The following VTI1A variants were observed in gnomAD, a reference collection of about 807,000 sequenced individuals.
VTI1A encodes the protein vesicle transport through interaction with t-SNAREs homolog 1A.
VTI1A carries 22 observed loss-of-function variants against 34.9 expected under a neutral mutation model. That is an observed-to-expected ratio of 0.63 (90% CI 0.45 to 0.90). The LOEUF is 0.90. Ranked by LOEUF, VTI1A falls within the 40% of genes least tolerant of loss-of-function variation. The pLI, the probability that VTI1A is intolerant of heterozygous loss-of-function variation, is 0.00. For missense variants in VTI1A, 268 were observed against 275.6 expected (o/e 0.97, Z 0.20); for synonymous variants, 87 against 97.3 (o/e 0.89, Z 0.62).
chr10:112,811,955 G>T (rs1240250710), intron 7 of VTI1A, among the ~76,000 whole-genome samples: 1 of 152,216 alleles, frequency 6.6e-6, no homozygotes, highest in African/African-American at 2.4e-5. Context: ...AGTTCCACAT[G>T]GGGATCAGTA....
intron 3 of VTI1A, among the ~76,000 whole-genome samples, chr10:112,519,065 T>C (rs750863723): frequency 1.1e-4 from 16 of 152,100 alleles, no homozygotes; most frequent in Non-Finnish European, 5.9e-5. Flanking sequence ...CTCTGAATTA[T>C]GAACCCTATA....
intron 5 of VTI1A, among the ~76,000 whole-genome samples, chr10:112,613,757 A>G (rs765976531): frequency 6.6e-6 from 1 of 152,240 alleles, no homozygotes; most frequent in East Asian, 1.9e-4. Flanking sequence ...ATCTCCTGAC[A>G]GGCTCAGTGC....
chr10:112,716,830 A>T (rs1849627699), intron 7 of VTI1A, among the ~76,000 whole-genome samples: 1 of 152,198 alleles, frequency 6.6e-6, no homozygotes, highest in Admixed American at 6.5e-5. Context: ...TCCCAAGCAT[A>T]TTGGATAAGG....
At chr10:112,472,461 G>A (rs750257782) in intron 3 of VTI1A, among the ~76,000 whole-genome samples, 4 of 151,724 alleles carry the variant, frequency 2.6e-5, no homozygotes, top group Non-Finnish European at 4.4e-5. Flanking sequence ...GATACTACCT[G>A]TACTCTCTCT....
chr10:112,629,025 G>A (rs1449892316), intron 5 of VTI1A, among the ~76,000 whole-genome samples: 1 of 152,052 alleles, frequency 6.6e-6, no homozygotes, highest in African/African-American at 2.4e-5. Context: ...TCTATTACTG[G>A]TTACTCACTT....
chr10:112,641,908 G>T (rs1408133998), intron 5 of VTI1A, among the ~76,000 whole-genome samples: 6 of 152,142 alleles, frequency 3.9e-5, no homozygotes, highest in African/African-American at 1.4e-4. Context: ...GGAACTGTTG[G>T]GCTTTGTGAG....
At chr10:112,846,617 T>A in the VTI1A span, among the ~76,000 whole-genome samples, 3 of 151,910 alleles carry the variant, frequency 2.0e-5, no homozygotes, top group Non-Finnish European at 2.9e-5. Context: ...GTACAAAAAA[T>A]TAGCTGGACA....
intron 7 of VTI1A, among the ~76,000 whole-genome samples, chr10:112,709,682 C>CT (rs57081938): frequency 0.016 from 1,110 of 70,272 alleles, 135 homozygotes; most frequent in African/African-American, 0.044. Context: ...CTCTATGTGG[C>CT]TTTTTTTTTT....
chr10:112,618,504 T>TAGAGAGAGAG (rs1222432434), intron 5 of VTI1A, among the ~76,000 whole-genome samples: 1 of 38,856 alleles, frequency 2.6e-5, no homozygotes, highest in Non-Finnish European at 4.6e-5. Flanking sequence ...TATATATATA[T>TAGAGAGAGAG]ATATATATAT....
intron 7 of VTI1A, among the ~76,000 whole-genome samples, chr10:112,814,784 C>T (rs79187083): frequency 0.014 from 2,068 of 152,320 alleles, 55 homozygotes; most frequent in African/African-American, 0.047. Flanking sequence ...ACATTTGACA[C>T]TTGTTTCTTA....
At chr10:112,641,131 G>C (rs549787904) in intron 5 of VTI1A, among the ~76,000 whole-genome samples, 2 of 152,026 alleles carry the variant, frequency 1.3e-5, no homozygotes, top group South Asian at 4.2e-4. Flanking sequence ...GATAGCAAAA[G>C]TCACGGATTT....
chr10:112,532,749 G>A (rs1033897257), intron 4 of VTI1A, among the ~76,000 whole-genome samples: 2 of 152,108 alleles, frequency 1.3e-5, no homozygotes, highest in African/African-American at 4.8e-5. Flanking sequence ...AATGAAGTAA[G>A]AGCTCATTGC....
At chr10:112,496,655 A>C (rs1452916602) in intron 3 of VTI1A, among the ~76,000 whole-genome samples, 1 of 152,182 alleles carries the variant, frequency 6.6e-6, no homozygotes, top group African/African-American at 2.4e-5. Flanking sequence ...CATTTCACTT[A>C]AGCAGATATT....
At chr10:112,591,709 T>C (rs915839668) in intron 5 of VTI1A, among the ~76,000 whole-genome samples, 2 of 152,222 alleles carry the variant, frequency 1.3e-5, no homozygotes, top group African/African-American at 4.8e-5. Flanking sequence ...AACTGTATTA[T>C]ACTGATCATC....
chr10:112,632,454 G>A (rs775166172), intron 5 of VTI1A, among the ~76,000 whole-genome samples: 1 of 152,168 alleles, frequency 6.6e-6, no homozygotes, highest in Admixed American at 6.5e-5. Flanking sequence ...AGAAATTCTG[G>A]TGGTTTAACA....
chr10:112,838,776 C>G, the VTI1A span, among the ~76,000 whole-genome samples: 2 of 152,204 alleles, frequency 1.3e-5, no homozygotes, highest in Admixed American at 1.3e-4. Flanking sequence ...GTGCACTGCT[C>G]TAAAGGTTGT....
the VTI1A span, among the ~76,000 whole-genome samples, chr10:112,841,074 G>A: frequency 1.3e-5 from 2 of 152,242 alleles, no homozygotes; most frequent in East Asian, 3.9e-4. Context: ...TCAGAAAACT[G>A]TTCAGGAGGA....
In VTI1A at chr10:112,527,273, G is replaced by A. The variant is rs555009912; in HGVS notation, c.342+109G>A. ...AACGGTATTAGCAGCAACTCATGTG[G>A]AAGCGATACTGTTTAATGCAAAGCT... On this transcript the variant is annotated intron_variant, in intron 4 of 7. Transcript: ENST00000393077. 738 of 853,906 alleles carry A rather than the reference G, an allele frequency of 8.6e-4. 3 individuals are homozygous for A. Among genetic ancestry groups the A allele is most frequent in the Non-Finnish European group, 1.2e-3 (660 of 531,862 alleles). The allele number at this position is 853,906 out of a possible 1,614,324, so 52.9% of individuals were successfully genotyped here.
At chr10:112,751,366 T>C (rs1394601227) in intron 7 of VTI1A, among the ~76,000 whole-genome samples, 1 of 151,812 alleles carries the variant, frequency 6.6e-6, no homozygotes, top group Non-Finnish European at 1.5e-5. Flanking sequence ...GCCATTTCTG[T>C]GACCTCACAT....
Sources: allele counts gnomAD v4.1 joint callset (sites outside exome capture counted in the v4.1 genomes callset), GRCh38; gene constraint gnomAD v4.1.1; transcripts MANE v1.5; gene names NCBI Gene and HGNC (gene_info 2026-07-23, HGNC 2026-07-21).